ERAP1: variants seen among roughly 807,000 people sequenced by gnomAD.
ERAP1 encodes the protein adipocyte-derived leucine aminopeptidase.
In ERAP1, 86 loss-of-function variants were observed where a neutral mutation model predicts 103.7. The ratio of observed to expected loss-of-function variants is 0.83; its 90% confidence interval spans 0.70 to 0.99. The LOEUF (loss-of-function observed/expected upper bound fraction) is 0.99. ERAP1 is among the 50% of genes least tolerant of loss of function. The probability of loss-of-function intolerance (pLI) is 0.00; values close to 1 mark genes in which losing one functional copy is unlikely to be tolerated. For missense variants in ERAP1, 1,009 were observed against 1,128.4 expected, an observed-to-expected ratio of 0.89 and a Z score of 1.52; for synonymous variants, 398 against 402.4, an observed-to-expected ratio of 0.99 and a Z score of 0.13.
chr5:96,912,619 T>G, the ERAP1 span: 1 of 1,573,900 alleles, frequency 6.4e-7, no homozygotes, highest in African/African-American at 1.4e-5. Context: ...TTCTTCATTT[T>G]TATGCTTGAT....
chr5:96,836,068 A>T, the ERAP1 span, among the ~76,000 whole-genome samples: 1 of 152,138 alleles, frequency 6.6e-6, no homozygotes, highest in African/African-American at 2.4e-5. Context: ...AGAAACCTGC[A>T]TGAGTCAGAG....
At chr5:96,787,671 T>C (rs1365573000) in intron 11 of ERAP1, among the ~76,000 whole-genome samples, 1 of 152,078 alleles carries the variant, frequency 6.6e-6, no homozygotes, top group Non-Finnish European at 1.5e-5. Flanking sequence ...ATGCCAAGTA[T>C]ATACATACAG....
the ERAP1 span, among the ~76,000 whole-genome samples, chr5:96,827,841 A>T: frequency 6.6e-6 from 1 of 152,190 alleles, no homozygotes; most frequent in Non-Finnish European, 1.5e-5. Flanking sequence ...AATCTAAAAA[A>T]CAGAGACTCC....
the ERAP1 span, among the ~76,000 whole-genome samples, chr5:96,911,190 A>C: frequency 6.6e-6 from 1 of 152,224 alleles, no homozygotes; most frequent in Non-Finnish European, 1.5e-5. Flanking sequence ...TAAAAAAATC[A>C]GGATAATAAC....
intron 12 of ERAP1, 71 bp downstream of exon 12, chr5:96,786,399 A>G: frequency 9.5e-7 from 1 of 1,056,930 alleles, no homozygotes. Context: ...ATAGCAAAAG[A>G]AACAGCACTT....
intron 15 of ERAP1, among the ~76,000 whole-genome samples, 179 bp from the exon 16 acceptor site, chr5:96,782,033 C>T (rs1448487621): frequency 4.2e-5 from 6 of 141,316 alleles, no homozygotes; most frequent in African/African-American, 1.1e-4. Flanking sequence ...TTTTTTAGGA[C>T]GGAGTCTTGC....
At chr5:96,799,182 G>C (rs1206995463) in intron 3 of ERAP1, among the ~76,000 whole-genome samples, 1 of 151,730 alleles carries the variant, frequency 6.6e-6, no homozygotes, top group African/African-American at 2.4e-5. Flanking sequence ...TTCCATTCTC[G>C]AGTTGTGTTA....
the ERAP1 span, among the ~76,000 whole-genome samples, chr5:96,828,931 C>CT: frequency 2.0e-5 from 3 of 152,118 alleles, no homozygotes; most frequent in Non-Finnish European, 2.9e-5. Context: ...ATTGCAACCT[C>CT]TGACTCCCTT....
rs1338049299 is a variant in ERAP1 at position 96,790,304 on chromosome 5, A to AGG, written c.1515_1516insCC (p.Ser506ProfsTer13). Reference sequence around the variant, plus strand: ...CAGATATAGAAACTTACTGAGGATGAAGATGAATGTTGACTTCTAGAGCAA... The same window carrying AGG: ...CAGATATAGAAACTTACTGAGGATGAGGAGATGAATGTTGACTTCTAGAGCAA... On this transcript the variant is annotated frameshift_variant, in exon 10 of 19. Coordinates refer to ENST00000443439, the MANE Select transcript of ERAP1 (RefSeq NM_001040458.3). LOFTEE classifies it high-confidence loss of function. 3.7e-6 allele frequency: 6 copies of AGG among 1,614,062 alleles called. No homozygotes were observed. The Middle Eastern group carries it at 8.3e-4, about 222-fold the overall frequency.
chr5:96,915,610 T>C, the ERAP1 span: 1 of 760,720 alleles, frequency 1.3e-6, no homozygotes, highest in Non-Finnish European at 2.0e-6. Flanking sequence ...TAATATACAT[T>C]AAAAATATAA....
chr5:96,841,252 C>T, the ERAP1 span, among the ~76,000 whole-genome samples: 2 of 152,200 alleles, frequency 1.3e-5, no homozygotes, highest in African/African-American at 4.8e-5. Flanking sequence ...AAATTCCCTT[C>T]CCCGAGGACA....
the ERAP1 span, among the ~76,000 whole-genome samples, chr5:96,836,728 A>G: frequency 6.6e-6 from 1 of 152,352 alleles, no homozygotes; most frequent in Non-Finnish European, 1.5e-5. Context: ...AATAAAACTG[A>G]TGCTGAATCC....
At chr5:96,818,899 T>TG in the ERAP1 span, among the ~76,000 whole-genome samples, 13 of 138,022 alleles carry the variant, frequency 9.4e-5, no homozygotes, top group East Asian at 4.7e-4. Context: ...ACTGCATTTA[T>TG]TTATTTATTT....
the ERAP1 span, among the ~76,000 whole-genome samples, chr5:96,863,559 T>C: frequency 6.6e-6 from 1 of 152,140 alleles, no homozygotes; most frequent in Non-Finnish European, 1.5e-5. Flanking sequence ...TCTGGCTGTC[T>C]TTTCTTTTTC....
At chr5:96,814,497 T>C in the ERAP1 span, among the ~76,000 whole-genome samples, 1 of 152,180 alleles carries the variant, frequency 6.6e-6, no homozygotes, top group African/African-American at 2.4e-5. Flanking sequence ...AAATAACTGG[T>C]GAGTGGATAA....
chr5:96,776,083 C>T lies in ERAP1; in HGVS notation c.*313G>A, dbSNP rs1373426807. 2 of 1,285,912 alleles carry T rather than the reference C, an allele frequency of 1.6e-6. No individual in the cohort carries two copies. Among genetic ancestry groups the T allele is most frequent in the South Asian group, 2.8e-5 (2 of 72,144 alleles). 79.7% of individuals were successfully genotyped at this position (1,285,912 alleles called of 1,614,324 possible). A position where few individuals can be genotyped will look rare whatever the true frequency, so the allele number is the denominator to read the frequency against. ...GTTTATGAATGATAAACATGGGGTA[C>T]AGGGTTTTGGACACGGGTGCTTAAG... On this transcript the variant is annotated 3_prime_UTR_variant, in exon 19 of 19. Coordinates refer to ENST00000443439, the MANE Select transcript of ERAP1 (RefSeq NM_001040458.3).
downstream of ERAP1, chr5:96,770,598 C>G: frequency 6.2e-7 from 1 of 1,608,020 alleles, no homozygotes; most frequent in Non-Finnish European, 8.5e-7. Flanking sequence ...AAGGATTCAG[C>G]AAAGGTAAAT....
chr5:96,886,810 T>G, the ERAP1 span: 1 of 1,431,842 alleles, frequency 7.0e-7, no homozygotes, highest in African/African-American at 1.4e-5. Flanking sequence ...GTTCTAACGT[T>G]CTACGCAGTG....
the ERAP1 span, among the ~76,000 whole-genome samples, chr5:96,888,907 T>C: frequency 6.6e-6 from 1 of 152,212 alleles, no homozygotes. Context: ...TATGATATAC[T>C]TGGATTATGA....
Sources: allele counts gnomAD v4.1 joint callset (sites outside exome capture counted in the v4.1 genomes callset), GRCh38; gene constraint gnomAD v4.1.1; transcripts MANE v1.5; gene names NCBI Gene and HGNC (gene_info 2026-07-23, HGNC 2026-07-21).